SLC15A5: variants seen among roughly 807,000 people sequenced by gnomAD.
SLC15A5 encodes solute carrier family 15 member 5.
In SLC15A5, 58 loss-of-function variants were observed where a neutral mutation model predicts 56.1. That is an observed-to-expected ratio of 1.03 (90% confidence interval 0.84 to 1.29). The LOEUF (loss-of-function observed/expected upper bound fraction) is 1.29. SLC15A5 is among the 50% of genes most tolerant of loss of function. SLC15A5 has a pLI of 0.00. For missense variants in SLC15A5, 681 were observed against 672.1 expected, an observed-to-expected ratio of 1.01 and a Z score of -0.15; for synonymous variants, 264 against 250.5, an observed-to-expected ratio of 1.05 and a Z score of -0.51.
chr12:16,239,974 G>T, intron 4 of SLC15A5, 107 bp from the exon 5 acceptor site: 1 of 995,714 alleles, frequency 1.0e-6, no homozygotes, highest in Non-Finnish European at 1.4e-6. Flanking sequence ...TGATGGATGA[G>T]CTGGATGTTG....
intron 3 of SLC15A5, among the ~76,000 whole-genome samples, chr12:16,245,850 C>T (rs557906107): frequency 1.3e-5 from 2 of 152,114 alleles, no homozygotes; most frequent in Non-Finnish European, 2.9e-5. Flanking sequence ...TAATGAAATT[C>T]ATTTATATGC....
intron 7 of SLC15A5, among the ~76,000 whole-genome samples, chr12:16,203,125 A>G (rs542634385): frequency 2.7e-4 from 41 of 152,280 alleles, no homozygotes; most frequent in African/African-American, 8.7e-4. Context: ...TGGATTTTAA[A>G]TGTTCTCATC....
chr12:16,202,726 A>G (rs1863969657), intron 7 of SLC15A5, among the ~76,000 whole-genome samples: 1 of 152,196 alleles, frequency 6.6e-6, no homozygotes, highest in African/African-American at 2.4e-5. Context: ...AGTGCGCATC[A>G]ATTGATTAAT....
At chr12:16,256,451 AGGTCTG>A (rs1864572885) in intron 3 of SLC15A5, among the ~76,000 whole-genome samples, 2 of 152,226 alleles carry the variant, frequency 1.3e-5, no homozygotes, top group Admixed American at 1.3e-4. Context: ...GCGAGTATCT[AGGTCTG>A]TTAGAAAATT....
chr12:16,264,884 C>T (rs1264440767), intron 2 of SLC15A5, among the ~76,000 whole-genome samples: 1 of 152,292 alleles, frequency 6.6e-6, no homozygotes, highest in South Asian at 2.1e-4. Flanking sequence ...CAAATTAAAC[C>T]TCTTTCTTTT....
In SLC15A5 at chr12:16,244,641, A is replaced by G; in HGVS notation, c.914T>C (p.Phe305Ser). Residue 305 changes from phenylalanine to serine, a missense_variant, in exon 4 of 9, where the codon TTT becomes TCT. Physicochemically the swap from Phe to Ser is radical, Grantham distance 155. Transcript: ENST00000344941. The part of the protein sequence containing the change: ...YSELHVEDTT[F>S]FLTLLPLFIF... ...GAAGAGAGGGAGAAGGGTGAGGAAA[A>G]ATGTTGTGTCTTCTACATGGAGCTC... is the stretch of plus-strand genomic sequence containing the variant. The G allele has an allele frequency of 6.5e-7, 1 of 1,537,616 alleles. No individual in the cohort carries two copies. The highest frequency in any genetic ancestry group is 8.7e-7 in the Non-Finnish European group (1 of 1,147,042).
chr12:16,227,687 T>G (rs1010534678), intron 5 of SLC15A5, among the ~76,000 whole-genome samples: 2 of 152,122 alleles, frequency 1.3e-5, no homozygotes, highest in Non-Finnish European at 1.5e-5. Flanking sequence ...TAAGAAGCAT[T>G]TAATACACTT....
intron 5 of SLC15A5, among the ~76,000 whole-genome samples, chr12:16,232,153 A>G (rs1864305526): frequency 6.6e-6 from 1 of 152,248 alleles, no homozygotes; most frequent in Non-Finnish European, 1.5e-5. Flanking sequence ...TCTGTAGTTA[A>G]TGCAATCAAT....
chr12:16,225,969 T>C (rs1864237422), intron 5 of SLC15A5, among the ~76,000 whole-genome samples: 1 of 152,194 alleles, frequency 6.6e-6, no homozygotes, highest in Admixed American at 6.5e-5. Flanking sequence ...AGGCCAGTAA[T>C]GTAACCTCAT....
At chr12:16,240,993 T>G (rs530627673) in intron 4 of SLC15A5, among the ~76,000 whole-genome samples, 14 of 152,120 alleles carry the variant, frequency 9.2e-5, no homozygotes, top group African/African-American at 2.7e-4. Context: ...TTCTGTATTT[T>G]TAGTAGAGAT....
At chr12:16,212,018 C>A (rs1864086285) in intron 7 of SLC15A5, among the ~76,000 whole-genome samples, 1 of 152,150 alleles carries the variant, frequency 6.6e-6, no homozygotes, top group Non-Finnish European at 1.5e-5. Flanking sequence ...CACTCACATG[C>A]ACACATGCTC....
chr12:16,270,939 C>T (rs777639573), intron 2 of SLC15A5, among the ~76,000 whole-genome samples: 38 of 152,280 alleles, frequency 2.5e-4, no homozygotes, highest in Middle Eastern at 3.4e-3. Flanking sequence ...TCTTACCATC[C>T]AGTTCTTTTA....
chr12:16,242,762 G>A (rs1864424880), intron 4 of SLC15A5, among the ~76,000 whole-genome samples: 1 of 152,212 alleles, frequency 6.6e-6, no homozygotes, highest in African/African-American at 2.4e-5. Flanking sequence ...AATGTCAGGT[G>A]TCATTGCATT....
At chr12:16,246,900 G>A (rs1415999457) in intron 3 of SLC15A5, among the ~76,000 whole-genome samples, 1 of 152,004 alleles carries the variant, frequency 6.6e-6, no homozygotes, top group South Asian at 2.1e-4. Context: ...TTTTCAACCT[G>A]TGTTAAAAAT....
intron 3 of SLC15A5, among the ~76,000 whole-genome samples, chr12:16,251,204 G>A (rs1864515305): frequency 6.6e-6 from 1 of 151,784 alleles, no homozygotes; most frequent in East Asian, 1.9e-4. Context: ...ATACTAAGAG[G>A]AAAGTTTATA....
intron 3 of SLC15A5, among the ~76,000 whole-genome samples, chr12:16,253,738 C>T (rs1277205327): frequency 6.6e-6 from 1 of 151,980 alleles, no homozygotes; most frequent in Non-Finnish European, 1.5e-5. Flanking sequence ...ACTTCATAGC[C>T]ATCATTCAAG....
intron 6 of SLC15A5, among the ~76,000 whole-genome samples, chr12:16,222,799 C>T (rs2136248815): frequency 6.6e-6 from 1 of 152,278 alleles, no homozygotes; most frequent in Admixed American, 6.5e-5. Flanking sequence ...CATATTCACT[C>T]ATTACTTTTA....
rs574263169 is a variant in SLC15A5, at chr12:16,190,057, C to T, written c.1593-242G>A. Among the ~76,000 whole-genome samples the T allele has an allele frequency of 1.8e-3, 269 of 152,262 alleles. 1 individual carries two copies. The highest frequency in any genetic ancestry group is 6.3e-3 in the African/African-American group (260 of 41,558). Reference sequence around the variant, plus strand: ...GGTGGCGCTTTTTAACAACCTGCTACGCTGTCTTCAGTGCTGACAGAGAGA... The same window carrying T: ...GGTGGCGCTTTTTAACAACCTGCTATGCTGTCTTCAGTGCTGACAGAGAGA... On this transcript the variant is annotated intron_variant, in intron 8 of 8. Transcript: ENST00000344941.
chr12:16,213,375 T>C (rs983393201), intron 7 of SLC15A5, among the ~76,000 whole-genome samples: 1 of 152,148 alleles, frequency 6.6e-6, no homozygotes. Flanking sequence ...TAGATTCAAA[T>C]TCAGGTGGTC....
Sources: allele counts gnomAD v4.1 joint callset (sites outside exome capture counted in the v4.1 genomes callset), GRCh38; gene constraint gnomAD v4.1.1; transcripts MANE v1.5; gene names NCBI Gene and HGNC (gene_info 2026-07-23, HGNC 2026-07-21).